The following ACOXL variants were observed in gnomAD, a reference collection of about 807,000 sequenced individuals.
ACOXL encodes the protein acyl-coenzyme A oxidase-like protein.
In ACOXL, 70 loss-of-function variants were observed where a neutral mutation model predicts 71.9. That is an observed-to-expected ratio of 0.97 (90% CI 0.80 to 1.19). ACOXL has a LOEUF of 1.19. Ranked by LOEUF, ACOXL falls within the 50% of genes most tolerant of loss-of-function variation. The pLI is 0.00. For synonymous variants in ACOXL, 253 were observed against 281.6 expected (o/e 0.90, Z 1.02); for missense variants, 703 against 736.3 (o/e 0.95, Z 0.52).
intron 12 of ACOXL, among the ~76,000 whole-genome samples, chr2:110,985,022 G>C (rs988019020): frequency 1.3e-5 from 2 of 152,212 alleles, no homozygotes; most frequent in Non-Finnish European, 2.9e-5. Context: ...GTGGGAATCA[G>C]AGAAAGCAAT....
chr2:111,089,663 T>C (rs1465466217), intron 16 of ACOXL, among the ~76,000 whole-genome samples: 1 of 152,216 alleles, frequency 6.6e-6, no homozygotes, highest in Non-Finnish European at 1.5e-5. Context: ...GAAAATAGTT[T>C]ATGGGGGGAA....
chr2:111,076,646 C>A (rs1164233995), intron 16 of ACOXL, among the ~76,000 whole-genome samples: 1 of 151,972 alleles, frequency 6.6e-6, no homozygotes, highest in Admixed American at 6.6e-5. Flanking sequence ...CTTTTCATTC[C>A]TCCATTTCCT....
intron 15 of ACOXL, among the ~76,000 whole-genome samples, chr2:111,040,981 G>A (rs911757850): frequency 6.6e-5 from 10 of 152,108 alleles, no homozygotes; most frequent in Non-Finnish European, 2.9e-5. Context: ...ACAGCTCTGA[G>A]GACAGGAACT....
At chr2:110,927,801 C>T (rs1275752724) in intron 11 of ACOXL, among the ~76,000 whole-genome samples, 4 of 152,236 alleles carry the variant, frequency 2.6e-5, no homozygotes, top group African/African-American at 9.6e-5. Flanking sequence ...AACTACATCA[C>T]ACCTGGCTGT....
At chr2:110,810,010 A>G (rs1687118222) in intron 9 of ACOXL, among the ~76,000 whole-genome samples, 1 of 152,184 alleles carries the variant, frequency 6.6e-6, no homozygotes, top group Admixed American at 6.5e-5. Context: ...GCTCCTGGTC[A>G]TCCGGCTCTC....
intron 12 of ACOXL, chr2:110,968,533 G>T: frequency 8.4e-7 from 1 of 1,185,656 alleles, no homozygotes; most frequent in Non-Finnish European, 1.2e-6. Flanking sequence ...CGTAACTCCA[G>T]ACATGACGGA....
chr2:111,052,945 G>A (rs763470828), intron 16 of ACOXL, among the ~76,000 whole-genome samples: 3 of 152,146 alleles, frequency 2.0e-5, no homozygotes, highest in Non-Finnish European at 4.4e-5. Flanking sequence ...ATCCTCTGCA[G>A]CCTCTTTCAG....
Position 111,043,143 on chromosome 2 carries a change from C to T in ACOXL, c.1370-6075C>T, listed in dbSNP as rs181193386. On this transcript the variant is annotated intron_variant, in intron 15 of 17. Transcript: ENST00000439055. The stretch of plus-strand genomic sequence containing the variant: ...GAGGGCCACATGTGTCATGCTCTGC[C>T]GCTCTCTGGAACAGAGGTGCTTTCT... Among the ~76,000 whole-genome samples, 26 of 152,304 alleles carry T rather than the reference C, an allele frequency of 1.7e-4. No individual in the cohort carries two copies. The East Asian group carries it at 3.5e-3, about 20-fold the overall frequency.
intron 10 of ACOXL, among the ~76,000 whole-genome samples, chr2:110,853,296 CT>C (rs1430041031): frequency 6.6e-6 from 1 of 152,180 alleles, no homozygotes; most frequent in Non-Finnish European, 1.5e-5. Context: ...CTTGGTTCGG[CT>C]GCTCACAACA....
intron 9 of ACOXL, among the ~76,000 whole-genome samples, chr2:110,819,878 C>T (rs947910970): frequency 1.9e-4 from 29 of 152,192 alleles, no homozygotes; most frequent in Admixed American, 3.3e-4. Flanking sequence ...TCCCTGGCTC[C>T]ACCTCTGCCT....
At chr2:110,928,212 C>T (rs4849255) in intron 11 of ACOXL, among the ~76,000 whole-genome samples, 77,170 of 152,058 alleles carry the variant, frequency 0.51, 19,918 homozygotes, top group South Asian at 0.58. Context: ...AGCTAACACA[C>T]ATTCAAGTTC....
intron 2 of ACOXL, among the ~76,000 whole-genome samples, chr2:110,778,942 A>G (rs1682988923): frequency 6.6e-6 from 1 of 152,214 alleles, no homozygotes; most frequent in Non-Finnish European, 1.5e-5. Context: ...TCAATAAGAT[A>G]CGTTCATTAT....
At chr2:110,890,096 A>G (rs1032808666) in intron 10 of ACOXL, among the ~76,000 whole-genome samples, 6 of 152,146 alleles carry the variant, frequency 3.9e-5, no homozygotes, top group Non-Finnish European at 8.8e-5. Context: ...AGCCATTTGT[A>G]TACCTTCTCT....
chr2:110,801,569 G>T, intron 7 of ACOXL, 83 bp from the exon 8 acceptor site: 1 of 1,212,416 alleles, frequency 8.2e-7, no homozygotes, highest in Non-Finnish European at 1.2e-6. Context: ...AAGGGGCTTT[G>T]TATTTTAGTG....
intron 12 of ACOXL, among the ~76,000 whole-genome samples, chr2:110,951,402 T>C (rs2149408589): frequency 6.6e-6 from 1 of 152,332 alleles, no homozygotes; most frequent in African/African-American, 2.4e-5. Context: ...AAATGATAGC[T>C]TTGTTTCTTC....
intron 16 of ACOXL, among the ~76,000 whole-genome samples, chr2:111,080,732 A>G (rs1023685151): frequency 6.6e-6 from 1 of 152,226 alleles, no homozygotes. Flanking sequence ...ACAAAATTTC[A>G]GGCCAATATC....
intron 16 of ACOXL, among the ~76,000 whole-genome samples, chr2:111,069,825 G>A (rs1180217514): frequency 6.6e-6 from 1 of 152,088 alleles, no homozygotes; most frequent in Non-Finnish European, 1.5e-5. Flanking sequence ...AGTAGGTTAT[G>A]TAGGAGCCCC....
chr2:110,802,082 A>G (rs1485075021), intron 8 of ACOXL, among the ~76,000 whole-genome samples: 1 of 152,208 alleles, frequency 6.6e-6, no homozygotes, highest in Non-Finnish European at 1.5e-5. Flanking sequence ...ATCATTATAT[A>G]GCAAATGTTT....
At chr2:111,019,032 C>A (rs1343026832) in intron 14 of ACOXL, among the ~76,000 whole-genome samples, 3 of 152,216 alleles carry the variant, frequency 2.0e-5, no homozygotes, top group Non-Finnish European at 4.4e-5. Context: ...GGCCTAATTT[C>A]TTTCCCATAT....
Sources: gnomAD v4.1 joint callset for allele counts (sites outside exome capture counted in the v4.1 genomes callset) on GRCh38, gnomAD v4.1.1 for gene constraint, MANE v1.5 for transcripts, NCBI Gene and HGNC (gene_info 2026-07-23, HGNC 2026-07-21) for gene names.